Variants in SNX2 observed in about 807,000 individuals in gnomAD.
The protein encoded by SNX2 is sorting nexin 2, also known as sorting nexin-2.
Under a neutral mutation model 69.9 loss-of-function variants are expected in SNX2, and 25 were observed. The observed-to-expected ratio is 0.36, with a 90% CI of 0.26 to 0.50. SNX2 has a LOEUF of 0.50. Ranked by LOEUF, SNX2 falls within the 20% of genes least tolerant of loss-of-function variation. SNX2 has a pLI of 0.97. For synonymous variants in SNX2, 229 were observed against 200.4 expected (o/e 1.14, Z -1.20); for missense variants, 551 against 613.3 (o/e 0.90, Z 1.07).
At position 122,775,088 on chromosome 5, in the gene SNX2, G is replaced by A. The variant is rs762676075; in HGVS notation, c.-16G>A. 24 of 1,573,654 alleles carry A rather than the reference G, an allele frequency of 1.5e-5. No individual in the cohort carries two copies. The highest frequency in any genetic ancestry group is 2.3e-5 in the East Asian group (1 of 43,498). On this transcript the variant is annotated 5_prime_UTR_variant, in exon 1 of 15. Transcript: ENST00000379516. Reference sequence around the variant, plus strand: ...TCCGCGAGGCCCAGCTCGCGCAGTCGTTCGGGTGAGCGAAGATGGCGGCCG... The same window carrying A: ...TCCGCGAGGCCCAGCTCGCGCAGTCATTCGGGTGAGCGAAGATGGCGGCCG...
intron 3 of SNX2, 106 bp from the exon 4 acceptor site, chr5:122,801,759 ATTAT>A (rs1703633046): frequency 2.9e-6 from 2 of 696,950 alleles, no homozygotes; most frequent in Admixed American, 2.8e-5. Context: ...GGGTGGCTAA[ATTAT>A]TTGTTGTGAC....
chr5:122,790,792 A>G (rs991182737), intron 1 of SNX2, among the ~76,000 whole-genome samples: 4 of 152,160 alleles, frequency 2.6e-5, no homozygotes, highest in African/African-American at 9.7e-5. Flanking sequence ...GGATTTCTGA[A>G]TTGGGTCACC....
At position 122,827,173 on chromosome 5, in the gene SNX2, A is replaced by G. The variant is rs908930683; in HGVS notation, c.1357-206A>G. On this transcript the variant is annotated intron_variant, in intron 12 of 14. Transcript: ENST00000379516. ...ATTGAAATATCTTAATATTGAGCAA[A>G]TCTGTGGAATATTAAAGGAAATTAA... The G allele has an allele frequency of 7.2e-6, 4 of 557,420 alleles. No homozygotes were observed. The African/African-American group carries it at 7.5e-5, about 11-fold the overall frequency. 34.5% of individuals were successfully genotyped at this position (557,420 alleles called of 1,614,324 possible).
At chr5:122,787,628 C>G (rs1753121777) in intron 1 of SNX2, among the ~76,000 whole-genome samples, 1 of 152,170 alleles carries the variant, frequency 6.6e-6, no homozygotes, top group Admixed American at 6.5e-5. Context: ...TTCCTCATAG[C>G]CTCTCCATAG....
intron 8 of SNX2, among the ~76,000 whole-genome samples, chr5:122,816,675 C>T (rs980404194): frequency 6.6e-6 from 1 of 151,970 alleles, no homozygotes; most frequent in African/African-American, 2.4e-5. Context: ...TAAATGTAAA[C>T]GTGCAGAAGA....
chr5:122,786,247 A>G (rs1372589322), intron 1 of SNX2, among the ~76,000 whole-genome samples: 1 of 151,970 alleles, frequency 6.6e-6, no homozygotes, highest in African/African-American at 2.4e-5. Context: ...TTGTCTTTCA[A>G]GCAGGTTTTT....
In SNX2 at chr5:122,829,625, C is replaced by A. The variant is rs1194778591; in HGVS notation, c.1537C>A (p.Pro513Thr). Residue 513 changes from proline (P) to threonine (T), a missense_variant, in exon 15 of 15, where the codon CCT (proline) becomes ACT (threonine). By Grantham distance (38) the Pro-to-Thr change is conservative. Transcript: ENST00000379516. ...GATAAAATACTGGGAAGCATTCCTA[C>A]CTGAAGCCAAAGCCATTGCCTAGCA... ...QLIKYWEAFL[P>T]EAKAIA 6.2e-7 allele frequency: 1 copy of A among 1,613,344 alleles called. No individual in the cohort carries two copies.
At position 122,817,012 on chromosome 5, in the gene SNX2, T is replaced by C; in HGVS notation, c.896T>C (p.Met299Thr). The C allele has an allele frequency of 6.2e-7, 1 of 1,610,326 alleles. No homozygotes were observed. Among genetic ancestry groups the C allele is most frequent in the Non-Finnish European group, 8.5e-7 (1 of 1,177,996 alleles). ...GCTGTCAACAAAATGACAATCAAGA[T>C]GAATGAATCGGATGCAGTAAGAGCT... The part of the protein sequence containing the change: ...ADAVNKMTIK[M>T]NESDAWFEEK... The change falls in exon 9 of 15, where the codon ATG (methionine) becomes ACG (threonine). Residue 299 changes from methionine (M) to threonine (T), a missense_variant. By Grantham distance (81) the Met-to-Thr change is moderately conservative. Transcript: ENST00000379516.
intron 11 of SNX2, among the ~76,000 whole-genome samples, chr5:122,823,208 A>C (rs7734793): frequency 0.13 from 19,104 of 152,174 alleles, 1,517 homozygotes; most frequent in East Asian, 0.36. Flanking sequence ...TTGACATACA[A>C]AGGGACACAT....
chr5:122,814,010 G>A (rs1196933214), intron 7 of SNX2, among the ~76,000 whole-genome samples: 2 of 152,020 alleles, frequency 1.3e-5, no homozygotes, highest in African/African-American at 4.8e-5. Context: ...CTGACCTCGT[G>A]ATCTGCCTGC....
intron 1 of SNX2, among the ~76,000 whole-genome samples, chr5:122,792,945 G>A (rs1003763138): frequency 6.6e-6 from 1 of 152,148 alleles, no homozygotes; most frequent in African/African-American, 2.4e-5. Flanking sequence ...ACATGCTAGA[G>A]TAGCGAAAGT....
intron 1 of SNX2, 54 bp from the exon 2 acceptor site, chr5:122,795,212 A>G: frequency 8.6e-7 from 1 of 1,167,502 alleles, no homozygotes; most frequent in African/African-American, 1.5e-5. Flanking sequence ...TGGTGACAGA[A>G]TTACAACAGG....
At chr5:122,788,470 A>C (rs1222839512) in intron 1 of SNX2, among the ~76,000 whole-genome samples, 1 of 152,230 alleles carries the variant, frequency 6.6e-6, no homozygotes, top group African/African-American at 2.4e-5. Context: ...ATACTTCTGC[A>C]GCAATCTTTC....
At chr5:122,778,639 G>T (rs1752905802) in intron 1 of SNX2, among the ~76,000 whole-genome samples, 1 of 152,130 alleles carries the variant, frequency 6.6e-6, no homozygotes, top group Non-Finnish European at 1.5e-5. Flanking sequence ...CTCCTGAGTA[G>T]CTGGGACTAC....
intron 11 of SNX2, among the ~76,000 whole-genome samples, chr5:122,824,697 A>G (rs1754114678): frequency 1.3e-5 from 2 of 152,160 alleles, no homozygotes; most frequent in South Asian, 4.1e-4. Context: ...CTATTATCAC[A>G]TTTTTAAAAA....
chr5:122,824,709 T>C lies in SNX2; in HGVS notation c.1213-1341T>C, dbSNP rs894321950. Among the ~76,000 whole-genome samples the C allele has an allele frequency of 4.6e-5, 7 of 152,194 alleles. 1 individual carries two copies. The highest frequency in any genetic ancestry group is 1.7e-4 in the African/African-American group (7 of 41,450). On this transcript the variant is annotated intron_variant, in intron 11 of 14. Coordinates refer to ENST00000379516, the MANE Select transcript of SNX2 (RefSeq NM_003100.4). ...ATGCTATTATCACATTTTTAAAAAT[T>C]GCCATATGATATAAATGCTTTTTAG...
In SNX2 at chr5:122,816,053, A is replaced by T. The variant is rs536070313; in HGVS notation, c.798+82A>T. On this transcript the variant is annotated intron_variant, in intron 8 of 14. Coordinates refer to ENST00000379516, the MANE Select transcript of SNX2 (RefSeq NM_003100.4). Reference sequence around the variant, plus strand: ...ATGTATATGACTATATATAGTAAATAATTGAGTTAATAGATGGAATAAAGC... The same window carrying T: ...ATGTATATGACTATATATAGTAAATTATTGAGTTAATAGATGGAATAAAGC... 42 of 614,888 alleles carry T rather than the reference A, an allele frequency of 6.8e-5. 1 individual carries two copies. The South Asian group carries it at 1.3e-3, about 20-fold the overall frequency. 38.1% of individuals were successfully genotyped at this position (614,888 alleles called of 1,614,324 possible).
At chr5:122,777,400 T>C (rs1752879659) in intron 1 of SNX2, among the ~76,000 whole-genome samples, 1 of 152,254 alleles carries the variant, frequency 6.6e-6, no homozygotes, top group African/African-American at 2.4e-5. Context: ...TGCAAGGCCC[T>C]ACGTGATTCT....
rs1423686122 is a variant in SNX2 at position 122,810,323 on chromosome 5, T to TACTGACCTTCCCTCCACTATTGTCCTATG, written c.722+1971_722+1999dup. On this transcript the variant is annotated intron_variant, in intron 7 of 14. Coordinates refer to ENST00000379516, the MANE Select transcript of SNX2 (RefSeq NM_003100.4). Reference sequence around the variant, plus strand: ...AGAGACCTTTGTTCACTTGTTTATCTACTGACCTTCCCTCCACTATTGTCC... The same window carrying TACTGACCTTCCCTCCACTATTGTCCTATG: ...AGAGACCTTTGTTCACTTGTTTATCTACTGACCTTCCCTCCACTATTGTCCTATGACTGACCTTCCCTCCACTATTGTCC... 6.2e-5 allele frequency among the ~76,000 whole-genome samples: 9 copies of TACTGACCTTCCCTCCACTATTGTCCTATG among 146,136 alleles called. No homozygotes were observed. In the East Asian group the frequency reaches 1.4e-3, roughly 23 times the overall value.
Sources: gnomAD v4.1 joint callset for allele counts (sites outside exome capture counted in the v4.1 genomes callset) on GRCh38, gnomAD v4.1.1 for gene constraint, MANE v1.5 for transcripts, NCBI Gene and HGNC (gene_info 2026-07-23, HGNC 2026-07-21) for gene names.